The following PPP1R12B variants were observed in gnomAD, a reference collection of about 807,000 sequenced individuals.
PPP1R12B encodes the protein myosin phosphatase target subunit 2.
In PPP1R12B, 76 loss-of-function variants were observed where a neutral mutation model predicts 126.1. The ratio of observed to expected loss-of-function variants is 0.60; its 90% CI spans 0.50 to 0.73. The LOEUF is 0.73. Among genes scored for constraint, PPP1R12B ranks in the 30% least tolerant of loss-of-function variants. The probability of loss-of-function intolerance (pLI) is 0.00; values close to 1 mark genes in which losing one functional copy is unlikely to be tolerated. For synonymous variants in PPP1R12B, 356 were observed against 434.7 expected (o/e 0.82, Z 2.25); for missense variants, 1,052 against 1,205.1 (o/e 0.87, Z 1.88).
chr1:202,502,518 C>T (rs997981385), intron 18 of PPP1R12B: 23 of 934,954 alleles, frequency 2.5e-5, no homozygotes, highest in South Asian at 4.9e-5. Context: ...TGCTTTTAAG[C>T]GCCGATTATG....
chr1:202,382,953 A>G (rs1177365344), intron 1 of PPP1R12B, among the ~76,000 whole-genome samples: 1 of 152,122 alleles, frequency 6.6e-6, no homozygotes, highest in African/African-American at 2.4e-5. Flanking sequence ...TTTAATAGTG[A>G]TATCAATAAA....
At chr1:202,525,032 C>T (rs962379149) in intron 18 of PPP1R12B, among the ~76,000 whole-genome samples, 4 of 152,232 alleles carry the variant, frequency 2.6e-5, no homozygotes, top group Middle Eastern at 3.4e-3. Context: ...GTGTCCGCCA[C>T]CACACCCGGC....
At chr1:202,371,982 C>T (rs1660363888) in intron 1 of PPP1R12B, among the ~76,000 whole-genome samples, 1 of 149,570 alleles carries the variant, frequency 6.7e-6, no homozygotes, top group South Asian at 2.1e-4. Context: ...AGTGATTCTC[C>T]TGCCTCAGCC....
At chr1:202,519,411 T>A (rs1459172326) in intron 18 of PPP1R12B, among the ~76,000 whole-genome samples, 1 of 151,968 alleles carries the variant, frequency 6.6e-6, no homozygotes, top group East Asian at 1.9e-4. Flanking sequence ...AGTATAGGTG[T>A]TCACCACTAC....
rs1679436681 is a variant in PPP1R12B at position 202,495,502 on chromosome 1, A to G, written c.2335+20A>G. The G allele has an allele frequency of 6.2e-7, 1 of 1,607,724 alleles. No homozygotes were observed. The highest frequency in any genetic ancestry group is 8.5e-7 in the Non-Finnish European group (1 of 1,175,868). On this transcript the variant is annotated intron_variant, in intron 16 of 23. Coordinates refer to ENST00000608999, the MANE Select transcript of PPP1R12B (RefSeq NM_002481.4). ...AAAATGGTATGTAGAACTTCAAAAG[A>G]CACAGGCCCCTCCACAGTGCACATC...
chr1:202,424,458 G>A (rs927735492), intron 3 of PPP1R12B, among the ~76,000 whole-genome samples: 3 of 151,692 alleles, frequency 2.0e-5, no homozygotes, highest in Non-Finnish European at 2.9e-5. Flanking sequence ...CAAGTAGCTG[G>A]GATTACAGGC....
intron 1 of PPP1R12B, among the ~76,000 whole-genome samples, chr1:202,408,738 C>T (rs1666970412): frequency 6.6e-6 from 1 of 151,932 alleles, no homozygotes; most frequent in Non-Finnish European, 1.5e-5. Context: ...TCAATGGGCT[C>T]TTCAATTGCT....
chr1:202,441,362 A>G (rs1031433029), intron 11 of PPP1R12B, among the ~76,000 whole-genome samples: 4 of 152,050 alleles, frequency 2.6e-5, no homozygotes, highest in South Asian at 2.1e-4. Flanking sequence ...GGGTTTTGCT[A>G]TGTTTCCCAG....
At chr1:202,471,944 G>A in intron 13 of PPP1R12B, 2 of 1,596,928 alleles carry the variant, frequency 1.3e-6, no homozygotes, top group East Asian at 4.5e-5. Context: ...CAGTGGAGCA[G>A]CCAACACACA....
rs1679145023 is a variant in PPP1R12B, at chr1:202,493,374, A to G, written c.2145+57A>G. ...TAAAAGCAGGGTAATTAGTTTGGGG[A>G]GTATCTTCTTCACTGGTAGTTCAAA... On this transcript the variant is annotated intron_variant, in intron 15 of 23. Coordinates refer to ENST00000608999, the MANE Select transcript of PPP1R12B (RefSeq NM_002481.4). 2.6e-6 allele frequency: 4 copies of G among 1,520,924 alleles called. No individual in the cohort carries two copies. The South Asian group carries it at 4.8e-5, about 18-fold the overall frequency. 94.2% of individuals were successfully genotyped at this position (1,520,924 alleles called of 1,614,324 possible).
At chr1:202,439,622 C>T (rs1671349236) in intron 10 of PPP1R12B, 1 of 929,828 alleles carries the variant, frequency 1.1e-6, no homozygotes, top group Admixed American at 2.0e-5. Flanking sequence ...CCCTGTGCTC[C>T]ATAACTCCCC....
At chr1:202,493,093 G>T in intron 14 of PPP1R12B, 21 bp from the exon 15 acceptor site, 1 of 1,606,420 alleles carries the variant, frequency 6.2e-7, no homozygotes, top group Middle Eastern at 2.3e-4. Context: ...AAACAGCCCT[G>T]ATCTTGTGAT....
Position 202,438,095 on chromosome 1 carries a change from C to A in PPP1R12B, c.1458+71C>A, listed in dbSNP as rs568794998. The A allele has an allele frequency of 1.2e-4, 197 of 1,601,174 alleles. No individual in the cohort carries two copies. In the African/African-American group the frequency reaches 1.9e-3, roughly 15 times the overall value. On this transcript the variant is annotated intron_variant, in intron 10 of 23. Transcript: ENST00000608999. ...TTCCATGAAAATTCAATCTTAGGAA[C>A]AAATGAAAATATTTTCTAGTCCTTA...
chr1:202,372,248 A>T (rs1463420450), intron 1 of PPP1R12B, among the ~76,000 whole-genome samples: 3 of 152,102 alleles, frequency 2.0e-5, no homozygotes, highest in Non-Finnish European at 4.4e-5. Context: ...TCTTATCTGT[A>T]ATCTTAGCAC....
chr1:202,349,051 C>T lies in PPP1R12B; in HGVS notation c.200C>T (p.Ser67Phe), dbSNP rs1055654135. 6.2e-7 allele frequency: 1 copy of T among 1,613,954 alleles called. No homozygotes were observed. The highest frequency in any genetic ancestry group is 1.1e-5 in the South Asian group (1 of 91,014). ...GGTGCTGTCTTTCTGGCCGCCTGCTCTAGCGGGGACACCGACGAGGTGAGA... is the reference window on the plus strand; with the variant it reads ...GGTGCTGTCTTTCTGGCCGCCTGCTTTAGCGGGGACACCGACGAGGTGAGA... Reference protein sequence around the residue: ...EDGAVFLAACSSGDTDEVRKL... With the variant: ...EDGAVFLAACFSGDTDEVRKL... The change falls in exon 1 of 24, where the codon TCT (serine) becomes TTT (phenylalanine). Residue 67 changes from serine to phenylalanine, a missense_variant. Physicochemically the swap from Ser to Phe is radical, Grantham distance 155 (BLOSUM62 -2). Coordinates refer to ENST00000608999, the MANE Select transcript of PPP1R12B (RefSeq NM_002481.4).
At chr1:202,387,996 G>GA (rs1024478852) in intron 1 of PPP1R12B, among the ~76,000 whole-genome samples, 1 of 149,142 alleles carries the variant, frequency 6.7e-6, no homozygotes, top group African/African-American at 2.5e-5. Context: ...TGAAATTTCA[G>GA]AAAAAAAATT....
chr1:202,472,949 C>A (rs929234160), intron 13 of PPP1R12B, among the ~76,000 whole-genome samples: 3 of 152,152 alleles, frequency 2.0e-5, no homozygotes, highest in African/African-American at 7.2e-5. Context: ...GTTGAGTAGG[C>A]CTGCGAAACC....
rs1472668625 is a variant in PPP1R12B at position 202,582,128 on chromosome 1, T to C, written c.*1568T>C. 6.6e-6 allele frequency: 1 copy of C among 152,234 alleles called. No individual in the cohort carries two copies. Among genetic ancestry groups the C allele is most frequent in the Non-Finnish European group, 1.5e-5 (1 of 68,038 alleles). The allele number at this position is 152,234 out of a possible 1,614,324, so 9.4% of individuals were successfully genotyped here. ...TCCAGATCTACTATCTGCAACTCTT[T>C]AACGGCACTTGAGATATGTGCAGTG... On this transcript the variant is annotated 3_prime_UTR_variant, in exon 24 of 24. Transcript: ENST00000608999.
intron 14 of PPP1R12B, among the ~76,000 whole-genome samples, chr1:202,491,640 G>A (rs1678903464): frequency 6.6e-6 from 1 of 152,140 alleles, no homozygotes; most frequent in Admixed American, 6.5e-5. Flanking sequence ...GAAGGAATGG[G>A]AAAAGATAGG....
Sources: gnomAD v4.1 joint callset for allele counts (sites outside exome capture counted in the v4.1 genomes callset) on GRCh38, gnomAD v4.1.1 for gene constraint, MANE v1.5 for transcripts, NCBI Gene and HGNC (gene_info 2026-07-23, HGNC 2026-07-21) for gene names.